Variants in SKI observed in about 807,000 individuals in gnomAD.
SKI encodes SKI proto-oncogene.
SKI carries 23 observed loss-of-function variants against 59.3 expected under a neutral mutation model. That is an observed-to-expected ratio of 0.39 (90% CI 0.28 to 0.55). SKI has a LOEUF of 0.55. Among genes scored for constraint, SKI ranks in the 20% least tolerant of loss-of-function variants. The probability of loss-of-function intolerance (pLI) is 0.67; values close to 1 mark genes in which losing one functional copy is unlikely to be tolerated. For synonymous variants in SKI, 673 were observed against 488.6 expected (o/e 1.38, Z -4.98); for missense variants, 1,017 against 1,038.9 (o/e 0.98, Z 0.29).
chr1:2,272,989 C>T (rs1197898602), intron 1 of SKI, among the ~76,000 whole-genome samples: 1 of 152,204 alleles, frequency 6.6e-6, no homozygotes, highest in East Asian at 1.9e-4. Flanking sequence ...CATCAGCTGG[C>T]CCCAAAGAGC....
At chr1:2,233,430 A>C (rs1638687378) in intron 1 of SKI, among the ~76,000 whole-genome samples, 1 of 152,042 alleles carries the variant, frequency 6.6e-6, no homozygotes, top group South Asian at 2.1e-4. Flanking sequence ...GTTGTGTTAC[A>C]GTGTTGTTGC....
chr1:2,241,358 T>C (rs262677), intron 1 of SKI, among the ~76,000 whole-genome samples: 2,211 of 152,314 alleles, frequency 0.015, 46 homozygotes, highest in African/African-American at 0.051. Flanking sequence ...TTTTGTTTCA[T>C]CCAACTCCCT....
chr1:2,261,712 C>T (rs1439293735), intron 1 of SKI, among the ~76,000 whole-genome samples: 4 of 152,250 alleles, frequency 2.6e-5, no homozygotes, highest in African/African-American at 4.8e-5. Context: ...TCTTCCTTTC[C>T]AGTCTGGATG....
chr1:2,280,583 G>A (rs1237622179), intron 1 of SKI, among the ~76,000 whole-genome samples: 1 of 148,574 alleles, frequency 6.7e-6, no homozygotes, highest in Non-Finnish European at 1.5e-5. Flanking sequence ...GAAGACAGGC[G>A]GCGGCGGCGA....
At chr1:2,246,874 C>G (rs796107253) in intron 1 of SKI, among the ~76,000 whole-genome samples, 42 of 152,238 alleles carry the variant, frequency 2.8e-4, no homozygotes, top group African/African-American at 8.9e-4. Flanking sequence ...TCAGGAACCT[C>G]CACCTCGCCC....
At chr1:2,301,248 G>T (rs1009227868) in intron 1 of SKI, among the ~76,000 whole-genome samples, 1 of 152,190 alleles carries the variant, frequency 6.6e-6, no homozygotes, top group African/African-American at 2.4e-5. Context: ...CTGCGGTCAG[G>T]GCCTCCGCCA....
chr1:2,263,105 T>C (rs1639422863), intron 1 of SKI, among the ~76,000 whole-genome samples: 1 of 152,176 alleles, frequency 6.6e-6, no homozygotes, highest in Non-Finnish European at 1.5e-5. Context: ...TTCACCATGT[T>C]GGTCAGGCTG....
chr1:2,266,821 C>G (rs1045275883), intron 1 of SKI, among the ~76,000 whole-genome samples: 1 of 152,156 alleles, frequency 6.6e-6, no homozygotes, highest in Non-Finnish European at 1.5e-5. Flanking sequence ...CGTGGGCTCC[C>G]CTCTAGGCTG....
chr1:2,251,625 C>A (rs1639150113), intron 1 of SKI, among the ~76,000 whole-genome samples: 1 of 152,196 alleles, frequency 6.6e-6, no homozygotes, highest in Non-Finnish European at 1.5e-5. Flanking sequence ...CGGTTACTGC[C>A]TCTGTGTGGG....
At chr1:2,266,286 C>T (rs1446154841) in intron 1 of SKI, among the ~76,000 whole-genome samples, 1 of 152,190 alleles carries the variant, frequency 6.6e-6, no homozygotes, top group East Asian at 1.9e-4. Flanking sequence ...CGTGGAGTTT[C>T]TGCACATACA....
chr1:2,290,031 C>T (rs1640127910), intron 1 of SKI, among the ~76,000 whole-genome samples: 1 of 152,168 alleles, frequency 6.6e-6, no homozygotes, highest in Non-Finnish European at 1.5e-5. Context: ...TGTTTGTGCC[C>T]TAGCACAGAG....
At chr1:2,245,355 T>G (rs1383282790) in intron 1 of SKI, among the ~76,000 whole-genome samples, 1 of 152,164 alleles carries the variant, frequency 6.6e-6, no homozygotes. Flanking sequence ...ACTTCCACAG[T>G]TTAGCTGTCG....
At position 2,239,403 on chromosome 1, in the gene SKI, C is replaced by T. The variant is rs115322724; in HGVS notation, c.969+9668C>T. 7.5e-3 allele frequency among the ~76,000 whole-genome samples: 1,142 copies of T among 152,236 alleles called. 11 individuals are homozygous for T. The highest frequency in any genetic ancestry group is 0.024 in the African/African-American group (1,003 of 41,554). ...CTCTGTGTGGCTCTTCGAGTCAAGC[C>T]GGGCTCGATGTCTTCCTTGTCACTG... On this transcript the variant is annotated intron_variant, in intron 1 of 6. Coordinates refer to ENST00000378536, the MANE Select transcript of SKI (RefSeq NM_003036.4).
chr1:2,233,198 C>G (rs1234952314), intron 1 of SKI, among the ~76,000 whole-genome samples: 1 of 149,584 alleles, frequency 6.7e-6, no homozygotes, highest in East Asian at 2.0e-4. Flanking sequence ...GGGTCCTGCT[C>G]CGAGGGGGCC....
intron 1 of SKI, among the ~76,000 whole-genome samples, chr1:2,262,031 C>T (rs553799095): frequency 1.5e-5 from 2 of 134,524 alleles, no homozygotes; most frequent in African/African-American, 5.7e-5. Context: ...CGCTCCTGAT[C>T]TCCTGATCTC....
rs1638557148 is a variant in SKI, at chr1:2,228,696, G to A, written c.-71G>A. 1 of 940,556 alleles carries A rather than the reference G, an allele frequency of 1.1e-6. No individual in the cohort carries two copies. Among genetic ancestry groups the A allele is most frequent in the Non-Finnish European group, 1.3e-6 (1 of 792,724 alleles). The allele number at this position is 940,556 out of a possible 1,614,324, so 58.3% of individuals were successfully genotyped here. A position where few individuals can be genotyped will look rare whatever the true frequency, so the allele number is the denominator to read the frequency against. ...GGCCGCGGGCGCCGCCGGGGCGCGC[G>A]GGGCGGCGGCGGGGGCCGGGGGGGC... On this transcript the variant is annotated 5_prime_UTR_variant, in exon 1 of 7. Coordinates refer to ENST00000378536, the MANE Select transcript of SKI (RefSeq NM_003036.4).
intron 1 of SKI, among the ~76,000 whole-genome samples, chr1:2,297,297 T>C (rs1329660509): frequency 6.6e-6 from 1 of 152,210 alleles, no homozygotes; most frequent in Non-Finnish European, 1.5e-5. Flanking sequence ...GGTTGTATCC[T>C]TTTAAGGAAT....
In SKI at chr1:2,267,755, A is replaced by G. The variant is rs1316776746; in HGVS notation, c.970-35223A>G. Among the ~76,000 whole-genome samples the G allele has an allele frequency of 1.3e-5, 2 of 152,194 alleles. No homozygotes were observed. Among genetic ancestry groups the G allele is most frequent in the Non-Finnish European group, 2.9e-5 (2 of 68,036 alleles). ...ATCCTGAGGTGTGTGAGGCTGATGC[A>G]TGGGCCTTTCTACTTCCAGACTGTC... On this transcript the variant is annotated intron_variant, in intron 1 of 6. Transcript: ENST00000378536. This position sits in a 1 kb window ranked among gnomAD's most constrained non-coding sequence, Gnocchi z 4.1.
intron 1 of SKI, among the ~76,000 whole-genome samples, chr1:2,233,695 T>C (rs1638693126): frequency 6.6e-6 from 1 of 152,144 alleles, no homozygotes; most frequent in Non-Finnish European, 1.5e-5. Flanking sequence ...GTGGTCGGGC[T>C]TGAGACCTTT....
Sources: allele counts gnomAD v4.1 joint callset (sites outside exome capture counted in the v4.1 genomes callset), GRCh38; gene constraint gnomAD v4.1.1; non-coding constraint Gnocchi (gnomAD v3.1); transcripts MANE v1.5; gene names NCBI Gene and HGNC (gene_info 2026-07-23, HGNC 2026-07-21).